The following ENTPD7 variants were observed in gnomAD, a reference collection of about 807,000 sequenced individuals.
ENTPD7 encodes NTPDase 7.
Under a neutral mutation model 77.9 loss-of-function variants are expected in ENTPD7, and 53 were observed. That is an observed-to-expected ratio of 0.68 (90% CI 0.55 to 0.85). ENTPD7 has a LOEUF of 0.85. ENTPD7 is among the 40% of genes least tolerant of loss of function. The probability of loss-of-function intolerance (pLI) is 0.00; values close to 1 mark genes in which losing one functional copy is unlikely to be tolerated. For synonymous variants in ENTPD7, 248 were observed against 274.9 expected (o/e 0.90, Z 0.97); for missense variants, 636 against 743.7 (o/e 0.86, Z 1.68).
chr10:99,662,968 G>C (rs752471173), intron 3 of ENTPD7, among the ~76,000 whole-genome samples: 4 of 152,188 alleles, frequency 2.6e-5, no homozygotes, highest in African/African-American at 9.6e-5. Flanking sequence ...AGGCATTTAC[G>C]GGACTGAGGC....
In ENTPD7 at chr10:99,708,294, A is replaced by G. The variant is rs566885209; in HGVS notation, c.*3611A>G. ...CATTTATTATCACATCCATATTTAT[A>G]TTTTTGAAATAATTTATACTTCTCA... On this transcript the variant is annotated 3_prime_UTR_variant, in exon 13 of 13. Transcript: ENST00000370489. Among the ~76,000 whole-genome samples the G allele has an allele frequency of 2.6e-5, 4 of 152,274 alleles. No homozygotes were observed. Among genetic ancestry groups the G allele is most frequent in the African/African-American group, 7.2e-5 (3 of 41,534 alleles).
At position 99,705,166 on chromosome 10, in the gene ENTPD7, A is replaced by G. The variant is rs1393172991; in HGVS notation, c.*483A>G. ...GATCCACAACCTTTAACAGGGATCC[A>G]AGATCTTTGCAGTTCAATCGACCAC... On this transcript the variant is annotated 3_prime_UTR_variant, in exon 13 of 13. Transcript: ENST00000370489. The G allele has an allele frequency of 2.5e-5, 4 of 162,370 alleles. No homozygotes were observed. The highest frequency in any genetic ancestry group is 5.5e-5 in the Non-Finnish European group (4 of 72,914). 10.1% of individuals were successfully genotyped at this position (162,370 alleles called of 1,614,324 possible). A position where few individuals can be genotyped will look rare whatever the true frequency, so the allele number is the denominator to read the frequency against.
At chr10:99,680,499 G>A (rs188855526) in intron 5 of ENTPD7, among the ~76,000 whole-genome samples, 128 of 152,192 alleles carry the variant, frequency 8.4e-4, no homozygotes, top group Non-Finnish European at 1.5e-3. Flanking sequence ...TACGTAGGCC[G>A]GGGGAAGAAT....
At chr10:99,682,448 G>A (rs985050682) in intron 5 of ENTPD7, among the ~76,000 whole-genome samples, 9 of 152,162 alleles carry the variant, frequency 5.9e-5, no homozygotes, top group Admixed American at 3.9e-4. Context: ...AGGTTTTTTA[G>A]TTCCTTATTG....
chr10:99,663,325 T>C (rs1357309140), intron 3 of ENTPD7, among the ~76,000 whole-genome samples: 2 of 152,236 alleles, frequency 1.3e-5, no homozygotes, highest in Non-Finnish European at 2.9e-5. Flanking sequence ...CTGAGATGTC[T>C]GCTGTCCTTT....
intron 3 of ENTPD7, among the ~76,000 whole-genome samples, chr10:99,667,454 G>A (rs2035564238): frequency 6.6e-6 from 1 of 152,208 alleles, no homozygotes; most frequent in East Asian, 1.9e-4. Context: ...AGGTACGGTT[G>A]TATAGAATCA....
chr10:99,707,957 GTATAT>G lies in ENTPD7; in HGVS notation c.*3276_*3280del, dbSNP rs2036285341. 6.6e-6 allele frequency among the ~76,000 whole-genome samples: 1 copy of G among 152,156 alleles called. No homozygotes were observed. Among genetic ancestry groups the G allele is most frequent in the Non-Finnish European group, 1.5e-5 (1 of 68,032 alleles). On this transcript the variant is annotated 3_prime_UTR_variant, in exon 13 of 13. Coordinates refer to ENST00000370489, the MANE Select transcript of ENTPD7 (RefSeq NM_020354.5). ...GTACAAGTGCAGGTTTGTTACATGA[GTATAT>G]TGAGTGATGCTGAGGTTTGGGGTAC...
chr10:99,682,199 G>GTTTT (rs11452695), intron 5 of ENTPD7, among the ~76,000 whole-genome samples: 3 of 145,310 alleles, frequency 2.1e-5, no homozygotes, highest in Non-Finnish European at 1.5e-5. Context: ...GTCAACAGCA[G>GTTTT]TTTTTTTTTT....
At chr10:99,701,890 A>T (rs1391155626) in intron 11 of ENTPD7, among the ~76,000 whole-genome samples, 1 of 151,898 alleles carries the variant, frequency 6.6e-6, no homozygotes, top group Non-Finnish European at 1.5e-5. Context: ...TCCACTAAAA[A>T]TACAAAAATT....
chr10:99,702,472 T>G (rs1267239768), intron 11 of ENTPD7, 40 bp from the exon 12 acceptor site: 2 of 1,492,584 alleles, frequency 1.3e-6, no homozygotes, highest in East Asian at 5.0e-5. Flanking sequence ...ATTAGAATTC[T>G]TTTCTCTTTT....
rs751490406 is a variant in ENTPD7 at position 99,696,108 on chromosome 10, T to C, written c.996T>C (p.Thr332=). The part of the protein sequence containing the change: ...QRYEDLVLNE[T]LNKNRLLGQK... The stretch of plus-strand genomic sequence containing the variant: ...ACGAAGACCTTGTTCTGAATGAAAC[T>C]CTTAACAAAAACAGGTACATTTGAT... The change falls in exon 9 of 13, where the codon ACT becomes ACC. Residue 332 remains threonine, a synonymous_variant. Transcript: ENST00000370489. The C allele has an allele frequency of 3.1e-6, 5 of 1,612,482 alleles. No individual in the cohort carries two copies. In the Admixed American group the frequency reaches 6.7e-5, roughly 22 times the overall value.
chr10:99,707,234 C>A lies in ENTPD7; in HGVS notation c.*2551C>A, dbSNP rs766419925. Among the ~76,000 whole-genome samples, 1 of 152,048 alleles carries A rather than the reference C, an allele frequency of 6.6e-6. No individual in the cohort carries two copies. Among genetic ancestry groups the A allele is most frequent in the Non-Finnish European group, 1.5e-5 (1 of 68,022 alleles). On this transcript the variant is annotated 3_prime_UTR_variant, in exon 13 of 13. Coordinates refer to ENST00000370489, the MANE Select transcript of ENTPD7 (RefSeq NM_020354.5). ...ATGGTATCTAGGCTTGTCTTTATTA[C>A]CATGAGCAAGGTCTCCAGGAGTTCC...
At chr10:99,664,255 C>T (rs1477491959) in intron 3 of ENTPD7, among the ~76,000 whole-genome samples, 1 of 151,818 alleles carries the variant, frequency 6.6e-6, no homozygotes, top group Non-Finnish European at 1.5e-5. Flanking sequence ...ACATGATTTT[C>T]TTATTAAAAA....
At position 99,704,633 on chromosome 10, in the gene ENTPD7, C is replaced by A. The variant is rs1229116834; in HGVS notation, c.1765C>A (p.Leu589Met). The A allele has an allele frequency of 8.1e-6, 13 of 1,614,102 alleles. No individual in the cohort carries two copies. Among genetic ancestry groups the A allele is most frequent in the Non-Finnish European group, 1.1e-5 (13 of 1,180,018 alleles). ...ACGAGCCTCAGCTCCATTGGACTTG[C>A]TGTGGCTTGAAGAGGTGGTGCCCAT... ...QTRASAPLDL[L>M]WLEEVVPMMG... The change falls in exon 13 of 13, where the codon CTG becomes ATG. Residue 589 changes from leucine (L) to methionine (M), a missense_variant. Coordinates refer to ENST00000370489, the MANE Select transcript of ENTPD7 (RefSeq NM_020354.5).
At chr10:99,660,767 C>T (rs868582527) in intron 2 of ENTPD7, among the ~76,000 whole-genome samples, 2 of 151,916 alleles carry the variant, frequency 1.3e-5, no homozygotes, top group Admixed American at 6.6e-5. Flanking sequence ...ACTAAAAATA[C>T]GAAAATTAGC....
intron 8 of ENTPD7, among the ~76,000 whole-genome samples, chr10:99,695,654 A>G (rs1375300468): frequency 6.6e-6 from 1 of 152,218 alleles, no homozygotes; most frequent in African/African-American, 2.4e-5. Context: ...GAATTGGAAA[A>G]TACAGAAAAA....
At chr10:99,663,893 G>A (rs1233683603) in intron 3 of ENTPD7, among the ~76,000 whole-genome samples, 2 of 151,866 alleles carry the variant, frequency 1.3e-5, no homozygotes, top group Non-Finnish European at 2.9e-5. Context: ...TTTTCCTCTG[G>A]GGACTCCAGT....
At position 99,709,626 on chromosome 10, in the gene ENTPD7, C is replaced by T. The variant is rs986138488; in HGVS notation, c.*4943C>T. The T allele has an allele frequency of 2.4e-5, 24 of 985,298 alleles. No homozygotes were observed. Among genetic ancestry groups the T allele is most frequent in the Admixed American group, 6.1e-5 (1 of 16,264 alleles). The allele number at this position is 985,298 out of a possible 1,614,324, so 61.0% of individuals were successfully genotyped here. A position where few individuals can be genotyped will look rare whatever the true frequency, so the allele number is the denominator to read the frequency against. On this transcript the variant is annotated 3_prime_UTR_variant, in exon 13 of 13. Transcript: ENST00000370489. The stretch of plus-strand genomic sequence containing the variant: ...AGGTTGTGTTCTTGGCTCATTCTCT[C>T]ATAACCTGGATCTAAGTTGGAAAGC...
rs761527295 is a variant in ENTPD7, at chr10:99,702,645, C to CTA, written c.1560_1561dup (p.Lys521IlefsTer78). The stretch of plus-strand genomic sequence containing the variant: ...GGTTCAGTGGACGCTGGGAGCCATT[C>CTA]TATATAAAACACGATTCTTACCACT... On this transcript the variant is annotated frameshift_variant, in exon 12 of 13. Transcript: ENST00000370489. LOFTEE classifies it high-confidence loss of function. The CTA allele has an allele frequency of 6.2e-7, 1 of 1,612,454 alleles. No homozygotes were observed. The highest frequency in any genetic ancestry group is 1.3e-5 in the African/African-American group (1 of 74,924).
Sources: allele counts gnomAD v4.1 joint callset (sites outside exome capture counted in the v4.1 genomes callset), GRCh38; gene constraint gnomAD v4.1.1; transcripts MANE v1.5; gene names NCBI Gene and HGNC (gene_info 2026-07-23, HGNC 2026-07-21).